Variants in PHLPP1 observed in about 807,000 individuals in gnomAD.
The protein encoded by PHLPP1 is PH domain and leucine rich repeat protein phosphatase 1, also known as PH domain leucine-rich repeat-containing protein phosphatase 1.
Under a neutral mutation model 117.2 loss-of-function variants are expected in PHLPP1, and 42 were observed. That is an observed-to-expected ratio of 0.36 (90% CI 0.28 to 0.46). The LOEUF is 0.46. Ranked by LOEUF, PHLPP1 falls within the 20% of genes least tolerant of loss-of-function variation. PHLPP1 has a pLI of 1.00. For missense variants in PHLPP1, 2,084 were observed against 2,241.9 expected (o/e 0.93, Z 1.42); for synonymous variants, 1,042 against 970.7 (o/e 1.07, Z -1.37).
chr18:62,716,307 C>T lies in PHLPP1; in HGVS notation c.624C>T (p.Asp208=), dbSNP rs1568091358. 1.8e-5 allele frequency: 28 copies of T among 1,531,466 alleles called. No homozygotes were observed. Among genetic ancestry groups the T allele is most frequent in the African/African-American group, 6.9e-5 (5 of 72,344 alleles). The allele number at this position is 1,531,466 out of a possible 1,614,324, so 94.9% of individuals were successfully genotyped here. A position where few individuals can be genotyped will look rare whatever the true frequency, so the allele number is the denominator to read the frequency against. ...QLQRGCVHVF[D]RHMASTYLRP... ...AGCGCGGCTGCGTGCACGTCTTCGA[C>T]CGCCACATGGCCTCGACCTACCTGC... The change falls in exon 1 of 17, where the codon GAC becomes GAT. Residue 208 remains aspartate, a synonymous_variant. Coordinates refer to ENST00000262719, the MANE Select transcript of PHLPP1 (RefSeq NM_194449.4). The surrounding 1 kb of genome is among the most constrained non-coding windows in gnomAD (Gnocchi z 5.7).
At chr18:62,957,716 AT>A (rs774423724) in intron 12 of PHLPP1, among the ~76,000 whole-genome samples, 273 of 136,660 alleles carry the variant, frequency 2.0e-3, no homozygotes, top group Non-Finnish European at 1.8e-3. Context: ...CCGGATTCTT[AT>A]TTTTTTTTTT....
At chr18:62,822,498 A>G (rs1300055658) in intron 1 of PHLPP1, among the ~76,000 whole-genome samples, 1 of 151,298 alleles carries the variant, frequency 6.6e-6, no homozygotes, top group African/African-American at 2.4e-5. Context: ...GTTAGCCAGG[A>G]TGGTCTCGAT....
At chr18:62,925,889 G>T (rs1223691662) in intron 10 of PHLPP1, among the ~76,000 whole-genome samples, 2 of 152,126 alleles carry the variant, frequency 1.3e-5, no homozygotes, top group Admixed American at 1.3e-4. Flanking sequence ...GTTTATCAAG[G>T]CTCCCCCAGT....
chr18:62,855,747 AT>A (rs1225004469), intron 3 of PHLPP1, among the ~76,000 whole-genome samples: 2 of 152,184 alleles, frequency 1.3e-5, no homozygotes, highest in African/African-American at 2.4e-5. Flanking sequence ...ATGTTAAATC[AT>A]TTTCTCTTAG....
chr18:62,817,373 G>T (rs191207696), intron 1 of PHLPP1, among the ~76,000 whole-genome samples: 14 of 152,158 alleles, frequency 9.2e-5, no homozygotes, highest in Non-Finnish European at 1.5e-4. Context: ...ATTAAGGAGA[G>T]ACATGGAAGA....
chr18:62,975,651 G>A, intron 16 of PHLPP1, 26 bp downstream of exon 16: 1 of 1,495,186 alleles, frequency 6.7e-7, no homozygotes, highest in Non-Finnish European at 9.3e-7. Context: ...TGTTGCCCAG[G>A]ATGGTGGAGA....
At chr18:62,730,399 G>A (rs187869437) in intron 1 of PHLPP1, among the ~76,000 whole-genome samples, 8 of 152,218 alleles carry the variant, frequency 5.3e-5, no homozygotes, top group Admixed American at 3.9e-4. Flanking sequence ...TCCTTGGGGT[G>A]GAAAGAGCAC....
At chr18:62,966,465 A>ATTT (rs3087157) in intron 14 of PHLPP1, among the ~76,000 whole-genome samples, 58 of 109,020 alleles carry the variant, frequency 5.3e-4, no homozygotes, top group African/African-American at 1.1e-3. Flanking sequence ...AGTTCTACAA[A>ATTT]TTTTTTTTTT....
chr18:62,749,891 C>T (rs945828191), intron 1 of PHLPP1, among the ~76,000 whole-genome samples: 12 of 152,194 alleles, frequency 7.9e-5, no homozygotes, highest in African/African-American at 2.7e-4. Flanking sequence ...TGGCACATGC[C>T]TGTAGTTCTA....
intron 10 of PHLPP1, 51 bp from the exon 11 acceptor site, chr18:62,941,667 G>C: frequency 7.3e-7 from 1 of 1,370,076 alleles, no homozygotes; most frequent in Non-Finnish European, 1.0e-6. Flanking sequence ...TAGGTTTCTT[G>C]AGGGTTTTTG....
At chr18:62,920,169 A>G (rs529825226) in intron 10 of PHLPP1, 55 bp downstream of exon 10, 28 of 1,501,774 alleles carry the variant, frequency 1.9e-5, no homozygotes, top group Middle Eastern at 3.8e-4. Flanking sequence ...CCTCATTTGT[A>G]TCTTTGTCTT....
chr18:62,782,392 T>G (rs1251218001), intron 1 of PHLPP1, among the ~76,000 whole-genome samples: 1 of 152,192 alleles, frequency 6.6e-6, no homozygotes, highest in African/African-American at 2.4e-5. Context: ...ATTGGATTTT[T>G]TAATTGGGTG....
Position 62,716,519 on chromosome 18 carries a change from C to T in PHLPP1, c.836C>T (p.Ser279Leu). Residue 279 changes from serine to leucine, a missense_variant, in exon 1 of 17, where the codon TCG becomes TTG. Physicochemically the swap from Ser to Leu is moderately radical, Grantham distance 145 (BLOSUM62 -2). Transcript: ENST00000262719. The surrounding 1 kb of genome is among the most constrained non-coding windows in gnomAD (Gnocchi z 5.7). Reference protein sequence around the residue: ...PRLAPPEPRDSEVPPARSAPG... With the variant: ...PRLAPPEPRDLEVPPARSAPG... The stretch of plus-strand genomic sequence containing the variant: ...CTGGCGCCCCCGGAGCCGCGGGACT[C>T]GGAGGTACCGCCCGCGAGGAGCGCG... 1.7e-6 allele frequency: 2 copies of T among 1,189,092 alleles called. No homozygotes were observed. Among genetic ancestry groups the T allele is most frequent in the Non-Finnish European group, 2.1e-6 (2 of 961,668 alleles). 73.7% of individuals were successfully genotyped at this position (1,189,092 alleles called of 1,614,324 possible).
chr18:62,942,159 T>C (rs1210131339), intron 11 of PHLPP1, among the ~76,000 whole-genome samples: 1 of 152,164 alleles, frequency 6.6e-6, no homozygotes, highest in African/African-American at 2.4e-5. Flanking sequence ...TGAAATAAAA[T>C]GTGTTGTTTA....
chr18:62,951,851 G>A (rs1438486583), intron 12 of PHLPP1, among the ~76,000 whole-genome samples: 1 of 126,402 alleles, frequency 7.9e-6, no homozygotes, highest in Admixed American at 9.5e-5. Flanking sequence ...GAGTCTTGCT[G>A]TCGCCCAGGC....
chr18:62,966,537 C>G (rs1249054062), intron 14 of PHLPP1, among the ~76,000 whole-genome samples: 5 of 135,496 alleles, frequency 3.7e-5, no homozygotes, highest in Non-Finnish European at 6.0e-5. Flanking sequence ...GTGGTGCAGT[C>G]TGGGCTCGCT....
At chr18:62,743,986 T>C (rs1250707074) in intron 1 of PHLPP1, among the ~76,000 whole-genome samples, 1 of 152,200 alleles carries the variant, frequency 6.6e-6, no homozygotes, top group East Asian at 1.9e-4. Context: ...TGGATCTTCT[T>C]TTGCTGGATT....
chr18:62,883,013 T>A (rs1345992118), intron 4 of PHLPP1, among the ~76,000 whole-genome samples: 1 of 150,494 alleles, frequency 6.6e-6, no homozygotes, highest in Non-Finnish European at 1.5e-5. Flanking sequence ...CATAGCTAGG[T>A]ACCAGAAAGA....
chr18:62,898,875 T>G (rs1443134232), intron 6 of PHLPP1, among the ~76,000 whole-genome samples: 2 of 150,984 alleles, frequency 1.3e-5, no homozygotes, highest in Non-Finnish European at 1.5e-5. Context: ...CTCGGCTCAC[T>G]GCAACCTCCG....
Sources: allele counts gnomAD v4.1 joint callset (sites outside exome capture counted in the v4.1 genomes callset), GRCh38; gene constraint gnomAD v4.1.1; non-coding constraint Gnocchi (gnomAD v3.1); transcripts MANE v1.5; gene names NCBI Gene and HGNC (gene_info 2026-07-23, HGNC 2026-07-21).